DOCK3: variants seen among roughly 807,000 people sequenced by gnomAD.
DOCK3 encodes dedicator of cytokinesis 3, also known as dedicator of cytokinesis protein 3.
A neutral mutation model predicts 265.6 loss-of-function variants in DOCK3; 60 were observed. The observed-to-expected ratio is 0.23, with a 90% CI of 0.18 to 0.28. DOCK3 has a LOEUF of 0.28. DOCK3 is among the 10% of genes least tolerant of loss of function. DOCK3 has a pLI of 1.00. For synonymous variants in DOCK3, 881 were observed against 938.0 expected (o/e 0.94, Z 1.11); for missense variants, 1,981 against 2,594.3 (o/e 0.76, Z 5.14).
At chr3:50,823,581 C>A (rs200362057) in intron 2 of DOCK3, among the ~76,000 whole-genome samples, 3 of 152,230 alleles carry the variant, frequency 2.0e-5, no homozygotes, top group Non-Finnish European at 4.4e-5. Context: ...TACACAGACA[C>A]GGCAACCATC....
chr3:50,758,069 T>G (rs1398830425), intron 1 of DOCK3, among the ~76,000 whole-genome samples: 1 of 148,248 alleles, frequency 6.7e-6, no homozygotes, highest in African/African-American at 2.5e-5. Flanking sequence ...TCCCAGCTAC[T>G]CGGGAGGCTG....
At chr3:50,717,771 C>T (rs770689654) in intron 1 of DOCK3, among the ~76,000 whole-genome samples, 7 of 152,064 alleles carry the variant, frequency 4.6e-5, no homozygotes, top group Middle Eastern at 6.8e-3. Context: ...TACAGGCATG[C>T]GCCACCATGC....
At chr3:50,960,208 A>G (rs970098054) in intron 5 of DOCK3, among the ~76,000 whole-genome samples, 1 of 152,136 alleles carries the variant, frequency 6.6e-6, no homozygotes, top group Admixed American at 6.5e-5. Flanking sequence ...TTATGGGGGT[A>G]GATATCTAGG....
chr3:50,833,242 CT>C (rs775786776), intron 2 of DOCK3, among the ~76,000 whole-genome samples: 5 of 152,158 alleles, frequency 3.3e-5, no homozygotes, highest in Non-Finnish European at 7.4e-5. Flanking sequence ...GCAGATAAAA[CT>C]TCGAAACAAC....
intron 27 of DOCK3, among the ~76,000 whole-genome samples, chr3:51,295,161 T>A (rs1253845711): frequency 6.6e-6 from 1 of 152,232 alleles, no homozygotes; most frequent in African/African-American, 2.4e-5. Flanking sequence ...GCTGATTAGT[T>A]TATAAAGAAA....
intron 1 of DOCK3, among the ~76,000 whole-genome samples, chr3:50,713,274 GCC>G (rs2036886686): frequency 6.6e-6 from 1 of 152,154 alleles, no homozygotes; most frequent in African/African-American, 2.4e-5. Flanking sequence ...GGGTATGTGT[GCC>G]CCAGGGTGAA....
At chr3:50,862,392 C>T (rs771423758) in intron 3 of DOCK3, among the ~76,000 whole-genome samples, 18 of 152,202 alleles carry the variant, frequency 1.2e-4, no homozygotes, top group Non-Finnish European at 2.6e-4. Flanking sequence ...CAGTTCAGGC[C>T]GAAATCCAGA....
chr3:50,766,965 G>T (rs1446445809), intron 1 of DOCK3, among the ~76,000 whole-genome samples: 1 of 151,804 alleles, frequency 6.6e-6, no homozygotes, highest in Non-Finnish European at 1.5e-5. Context: ...CTTTTGGATG[G>T]GGTTTTTTTT....
intron 5 of DOCK3, among the ~76,000 whole-genome samples, chr3:50,980,045 G>A (rs970325761): frequency 6.6e-6 from 1 of 152,180 alleles, no homozygotes; most frequent in Non-Finnish European, 1.5e-5. Context: ...GTTCTTAGAG[G>A]AAAGGCTTTC....
chr3:50,698,552 C>G (rs1025405732), intron 1 of DOCK3, among the ~76,000 whole-genome samples: 1 of 10,474 alleles, frequency 9.5e-5, no homozygotes, highest in Admixed American at 6.2e-4. Context: ...TGCTATATAC[C>G]CAGGTGTGGA....
At chr3:51,229,449 T>TA (rs113104131) in intron 18 of DOCK3, 63 bp from the exon 19 acceptor site, 59,225 of 1,042,788 alleles carry the variant, frequency 0.057, 15 homozygotes, top group South Asian at 0.076. Flanking sequence ...AGACTCCGTC[T>TA]AAAAAAAAAA....
chr3:51,071,830 C>G (rs2109343045), intron 6 of DOCK3, among the ~76,000 whole-genome samples: 1 of 152,254 alleles, frequency 6.6e-6, no homozygotes, highest in South Asian at 2.1e-4. Flanking sequence ...CCAGGAGCCT[C>G]TTTTTGAGAG....
chr3:50,953,679 T>A (rs1405916766), intron 5 of DOCK3, among the ~76,000 whole-genome samples: 2 of 152,142 alleles, frequency 1.3e-5, no homozygotes, highest in Non-Finnish European at 2.9e-5. Context: ...AAAAATGTGT[T>A]AACGTTCGTC....
chr3:51,347,218 C>T (rs1161487739), intron 38 of DOCK3, among the ~76,000 whole-genome samples: 1 of 152,154 alleles, frequency 6.6e-6, no homozygotes, highest in Non-Finnish European at 1.5e-5. Context: ...CTTGCCCATG[C>T]CTATGTCCTG....
chr3:51,128,678 T>C (rs2106894264), intron 9 of DOCK3, among the ~76,000 whole-genome samples: 1 of 152,304 alleles, frequency 6.6e-6, no homozygotes, highest in Middle Eastern at 3.4e-3. Context: ...TCCAATATAA[T>C]CAACCTGCCA....
intron 5 of DOCK3, among the ~76,000 whole-genome samples, chr3:51,005,307 C>T (rs1165629719): frequency 2.0e-5 from 3 of 152,128 alleles, no homozygotes; most frequent in Non-Finnish European, 4.4e-5. Context: ...CTTCATCTTT[C>T]TGTGTTTCTA....
In DOCK3 at chr3:51,374,638, T is replaced by C; in HGVS notation, c.5412+51T>C. ...CCTCTGCTGCAAGTGTGTTAGCCTG[T>C]GCTTCCCTCCTTGCATTTGCGGGGC... On this transcript the variant is annotated intron_variant, in intron 50 of 52. Coordinates refer to ENST00000266037, the MANE Select transcript of DOCK3 (RefSeq NM_004947.5). The surrounding 1 kb of genome is among the most constrained non-coding windows in gnomAD (Gnocchi z 4.8). The C allele has an allele frequency of 6.6e-7, 1 of 1,522,434 alleles. No individual in the cohort carries two copies. Among genetic ancestry groups the C allele is most frequent in the East Asian group, 2.4e-5 (1 of 41,930 alleles). 94.3% of individuals were successfully genotyped at this position (1,522,434 alleles called of 1,614,324 possible).
chr3:50,829,437 T>G (rs1238277089), intron 2 of DOCK3, among the ~76,000 whole-genome samples: 1 of 152,168 alleles, frequency 6.6e-6, no homozygotes, highest in Non-Finnish European at 1.5e-5. Context: ...GAGTGGAGAT[T>G]AATATAAAAT....
chr3:51,145,077 T>G (rs912937304), intron 9 of DOCK3, among the ~76,000 whole-genome samples: 3 of 152,206 alleles, frequency 2.0e-5, no homozygotes, highest in Admixed American at 6.5e-5. Flanking sequence ...AATTTCCTCC[T>G]GAAATTACGT....
Sources: gnomAD v4.1 joint callset for allele counts (sites outside exome capture counted in the v4.1 genomes callset) on GRCh38, gnomAD v4.1.1 for gene constraint, Gnocchi (gnomAD v3.1) non-coding constraint, MANE v1.5 for transcripts, NCBI Gene and HGNC (gene_info 2026-07-23, HGNC 2026-07-21) for gene names.